The following L3MBTL4 variants were observed in gnomAD, a reference collection of about 807,000 sequenced individuals.
L3MBTL4 encodes the protein lethal(3)malignant brain tumor-like protein 4.
Under a neutral mutation model 84.5 loss-of-function variants are expected in L3MBTL4, and 70 were observed. The observed-to-expected ratio is 0.83, with a 90% CI of 0.68 to 1.01. The LOEUF (loss-of-function observed/expected upper bound fraction) is 1.01. Among genes scored for constraint, L3MBTL4 ranks in the 50% least tolerant of loss-of-function variants. L3MBTL4 has a pLI of 0.00. For missense variants in L3MBTL4, 715 were observed against 754.8 expected (o/e 0.95, Z 0.62); for synonymous variants, 274 against 259.8 (o/e 1.05, Z -0.52).
intron 1 of L3MBTL4, among the ~76,000 whole-genome samples, chr18:6,319,177 G>A (rs1357057378): frequency 6.6e-6 from 1 of 152,070 alleles, no homozygotes; most frequent in Non-Finnish European, 1.5e-5. Flanking sequence ...AAGAAAGTCT[G>A]AAAGTTCACA....
intron 14 of L3MBTL4, among the ~76,000 whole-genome samples, chr18:6,095,222 C>G (rs1384341976): frequency 6.6e-6 from 1 of 152,114 alleles, no homozygotes; most frequent in African/African-American, 2.4e-5. Context: ...ATTTATTTTA[C>G]TGGTAAGACA....
intron 16 of L3MBTL4, among the ~76,000 whole-genome samples, chr18:6,061,436 CA>C (rs202085750): frequency 0.023 from 3,464 of 151,976 alleles, 132 homozygotes; most frequent in African/African-American, 0.08. Flanking sequence ...TTCTGGGACT[CA>C]TTTTTTTCAT....
chr18:6,404,209 G>C (rs1398696557), intron 1 of L3MBTL4, among the ~76,000 whole-genome samples: 1 of 152,158 alleles, frequency 6.6e-6, no homozygotes, highest in African/African-American at 2.4e-5. Flanking sequence ...ACTTACCCAT[G>C]TGATAAAAAC....
intron 4 of L3MBTL4, among the ~76,000 whole-genome samples, chr18:6,290,289 T>A (rs1425980046): frequency 1.3e-5 from 2 of 148,474 alleles, no homozygotes; most frequent in Non-Finnish European, 3.0e-5. Context: ...TTTTTTTTTT[T>A]ACCTTTTTGG....
At chr18:5,978,783 C>T (rs1166221752) in intron 16 of L3MBTL4, among the ~76,000 whole-genome samples, 8 of 152,152 alleles carry the variant, frequency 5.3e-5, no homozygotes, top group African/African-American at 2.4e-5. Context: ...TTGTGAGGAG[C>T]TAATGGATGT....
chr18:6,279,137 A>C (rs2049217258), intron 4 of L3MBTL4, among the ~76,000 whole-genome samples: 1 of 152,168 alleles, frequency 6.6e-6, no homozygotes, highest in Non-Finnish European at 1.5e-5. Flanking sequence ...CAAGATGATA[A>C]CAAAAGTCAC....
At chr18:6,105,944 T>G (rs1210924852) in intron 14 of L3MBTL4, among the ~76,000 whole-genome samples, 1 of 152,176 alleles carries the variant, frequency 6.6e-6, no homozygotes, top group Non-Finnish European at 1.5e-5. Context: ...ATTAGTCTAA[T>G]ATTAAGAGCA....
intron 5 of L3MBTL4, among the ~76,000 whole-genome samples, chr18:6,245,792 T>C (rs990902142): frequency 6.6e-6 from 1 of 152,126 alleles, no homozygotes; most frequent in Non-Finnish European, 1.5e-5. Context: ...GGTTTCACCA[T>C]GTAGGCCAGG....
At chr18:5,977,800 G>T (rs1460888526) in intron 16 of L3MBTL4, among the ~76,000 whole-genome samples, 2 of 152,146 alleles carry the variant, frequency 1.3e-5, no homozygotes, top group Admixed American at 6.5e-5. Context: ...TTGGGCTGGG[G>T]CACAGACTCC....
intron 14 of L3MBTL4, among the ~76,000 whole-genome samples, chr18:6,116,686 G>T (rs900889956): frequency 1.3e-5 from 2 of 152,150 alleles, no homozygotes; most frequent in Non-Finnish European, 2.9e-5. Context: ...TTGAAGTAGA[G>T]AAAAGTTGTT....
At chr18:6,308,070 A>G (rs565585022) in intron 3 of L3MBTL4, among the ~76,000 whole-genome samples, 1 of 152,322 alleles carries the variant, frequency 6.6e-6, no homozygotes, top group African/African-American at 2.4e-5. Context: ...CCACGTGCCT[A>G]CTTTGCTAGT....
intron 9 of L3MBTL4, 53 bp from the exon 10 acceptor site, chr18:6,238,093 G>T: frequency 1.4e-6 from 2 of 1,438,666 alleles, no homozygotes; most frequent in Non-Finnish European, 9.8e-7. Context: ...GCCAGAGAAA[G>T]AATTCAAGAG....
At chr18:6,318,782 CT>C in intron 1 of L3MBTL4, among the ~76,000 whole-genome samples, 1 of 151,908 alleles carries the variant, frequency 6.6e-6, no homozygotes, top group Non-Finnish European at 1.5e-5. Context: ...ACAAATGAAG[CT>C]AACATATATT....
rs75742427 is a variant in L3MBTL4, at chr18:6,284,947, C to T, written c.127+16956G>A. ...GGGGAGTAGGCACAGGCCTCAGAGC[C>T]TGGCAGGGCAGCCTGGCATGGGCGG... On this transcript the variant is annotated intron_variant, in intron 4 of 18. Coordinates refer to ENST00000317931, the MANE Select transcript of L3MBTL4 (RefSeq NM_001330559.2). Among the ~76,000 whole-genome samples the T allele has an allele frequency of 4.6e-3, 695 of 152,320 alleles. 8 individuals carry two copies. The highest frequency in any genetic ancestry group is 0.016 in the African/African-American group (661 of 41,582).
intron 10 of L3MBTL4, among the ~76,000 whole-genome samples, chr18:6,231,571 C>T (rs568406551): frequency 3.9e-5 from 6 of 152,096 alleles, no homozygotes; most frequent in African/African-American, 1.4e-4. Flanking sequence ...TTTGTGTCAC[C>T]CTGAAGTTCT....
intron 12 of L3MBTL4, among the ~76,000 whole-genome samples, chr18:6,177,275 T>C (rs149721268): frequency 2.0e-5 from 3 of 152,322 alleles, no homozygotes; most frequent in East Asian, 1.9e-4. Flanking sequence ...ATAAAACGAA[T>C]GCTAGTTCAG....
intron 14 of L3MBTL4, among the ~76,000 whole-genome samples, chr18:6,098,634 G>A (rs1359153192): frequency 3.3e-5 from 5 of 152,188 alleles, no homozygotes; most frequent in African/African-American, 7.2e-5. Context: ...GGGCTCAGAT[G>A]TGGAAACGTG....
At chr18:6,063,818 C>G (rs936007776) in intron 16 of L3MBTL4, among the ~76,000 whole-genome samples, 2 of 151,956 alleles carry the variant, frequency 1.3e-5, no homozygotes, top group Non-Finnish European at 2.9e-5. Flanking sequence ...TCTGTTTACT[C>G]TGCTGATTAT....
intron 1 of L3MBTL4, among the ~76,000 whole-genome samples, chr18:6,377,794 C>A (rs1015314394): frequency 6.6e-6 from 1 of 152,096 alleles, no homozygotes; most frequent in Non-Finnish European, 1.5e-5. Context: ...CATGTGCATG[C>A]GTCTTTAGAG....
Sources: gnomAD v4.1 joint callset for allele counts (sites outside exome capture counted in the v4.1 genomes callset) on GRCh38, gnomAD v4.1.1 for gene constraint, MANE v1.5 for transcripts, NCBI Gene and HGNC (gene_info 2026-07-23, HGNC 2026-07-21) for gene names.